The following AGBL4 variants were observed in gnomAD, a reference collection of about 807,000 sequenced individuals.
AGBL4 encodes AGBL carboxypeptidase 4.
AGBL4 carries 58 observed loss-of-function variants against 66.4 expected under a neutral mutation model. The ratio of observed to expected loss-of-function variants is 0.87; its 90% CI spans 0.71 to 1.09. The LOEUF is 1.09. Ranked by LOEUF, AGBL4 falls within the 50% of genes least tolerant of loss-of-function variation. The pLI is 0.00. For missense variants in AGBL4, 579 were observed against 631.0 expected, an observed-to-expected ratio of 0.92 and a Z score of 0.88; for synonymous variants, 234 against 222.9, an observed-to-expected ratio of 1.05 and a Z score of -0.44.
chr1:49,670,144 T>C (rs1646448804), intron 3 of AGBL4, among the ~76,000 whole-genome samples: 2 of 152,002 alleles, frequency 1.3e-5, no homozygotes, highest in Admixed American at 6.6e-5. Flanking sequence ...AGACAACAGA[T>C]TGAGAAGCAC....
intron 1 of AGBL4, among the ~76,000 whole-genome samples, chr1:49,948,285 TAAATATATAA>T (rs1655637841): frequency 9.6e-6 from 1 of 104,446 alleles, no homozygotes; most frequent in Non-Finnish European, 1.7e-5. Context: ...TAAATATATA[TAAATATATAA>T]AAATATATAT....
chr1:49,735,906 A>C (rs989062576), intron 2 of AGBL4, among the ~76,000 whole-genome samples: 15 of 152,148 alleles, frequency 9.9e-5, no homozygotes, highest in African/African-American at 3.1e-4. Flanking sequence ...GAAAAACAAA[A>C]ATCACTGGAA....
intron 3 of AGBL4, among the ~76,000 whole-genome samples, chr1:49,509,476 A>G (rs751202096): frequency 9.9e-5 from 15 of 151,852 alleles, no homozygotes; most frequent in Non-Finnish European, 2.1e-4. Context: ...CTGGGTTATA[A>G]AAACATGTGT....
At chr1:49,869,299 G>A (rs531648044) in intron 1 of AGBL4, among the ~76,000 whole-genome samples, 3 of 152,292 alleles carry the variant, frequency 2.0e-5, no homozygotes, top group African/African-American at 7.2e-5. Context: ...TCATGTGCAT[G>A]TTCATTGCAG....
At chr1:49,563,089 CT>C (rs1403566366) in intron 3 of AGBL4, among the ~76,000 whole-genome samples, 1 of 152,002 alleles carries the variant, frequency 6.6e-6, no homozygotes, top group African/African-American at 2.4e-5. Flanking sequence ...TGGGAGTTCA[CT>C]CATGATTTGG....
chr1:49,347,586 G>C (rs750519420), intron 3 of AGBL4, among the ~76,000 whole-genome samples: 1 of 152,004 alleles, frequency 6.6e-6, no homozygotes, highest in South Asian at 2.1e-4. Context: ...TCAGCTGGGC[G>C]TGGAGGCTCA....
chr1:49,709,532 CCAAAAGCAATGGCAA>C (rs984367545), intron 2 of AGBL4, among the ~76,000 whole-genome samples: 4 of 152,098 alleles, frequency 2.6e-5, no homozygotes, highest in African/African-American at 9.7e-5. Flanking sequence ...GACTAAAACA[CCAAAAGCAATGGCAA>C]CAAAAGCAAT....
intron 4 of AGBL4, among the ~76,000 whole-genome samples, chr1:49,141,605 T>C (rs1646119333): frequency 6.6e-6 from 1 of 151,838 alleles, no homozygotes; most frequent in Admixed American, 6.6e-5. Context: ...AGGCTAGATA[T>C]AAGAAAACTG....
At chr1:48,727,597 T>C (rs1218748905) in intron 6 of AGBL4, 1 of 228,882 alleles carries the variant, frequency 4.4e-6, no homozygotes, top group Non-Finnish European at 8.5e-6. Context: ...AAAATATCCA[T>C]TCAAACCCCA....
chr1:48,677,609 A>C (rs1342840903), intron 6 of AGBL4, among the ~76,000 whole-genome samples: 2 of 152,192 alleles, frequency 1.3e-5, no homozygotes, highest in Non-Finnish European at 2.9e-5. Context: ...GAGCTGTGCC[A>C]CTGGCCCCAG....
At chr1:49,629,969 G>A (rs977893405) in intron 3 of AGBL4, among the ~76,000 whole-genome samples, 2 of 152,080 alleles carry the variant, frequency 1.3e-5, no homozygotes, top group Non-Finnish European at 2.9e-5. Flanking sequence ...CTGGTTTGTC[G>A]ATAGGGACAT....
At chr1:49,261,263 C>T (rs967137688) in intron 3 of AGBL4, among the ~76,000 whole-genome samples, 30 of 151,932 alleles carry the variant, frequency 2.0e-4, no homozygotes, top group Middle Eastern at 3.4e-3. Context: ...CAGGGATGCC[C>T]TCTCTCACCA....
intron 3 of AGBL4, among the ~76,000 whole-genome samples, chr1:49,265,759 T>C (rs1414107252): frequency 6.6e-6 from 1 of 152,206 alleles, no homozygotes; most frequent in African/African-American, 2.4e-5. Flanking sequence ...TACAACTATA[T>C]ACATTACATA....
chr1:49,311,295 C>T (rs1362676517), intron 3 of AGBL4, among the ~76,000 whole-genome samples: 4 of 151,986 alleles, frequency 2.6e-5, no homozygotes, highest in African/African-American at 7.2e-5. Context: ...GATGTCAGAT[C>T]TTATGACTTC....
intron 7 of AGBL4, among the ~76,000 whole-genome samples, chr1:48,660,551 C>T (rs1175297964): frequency 2.0e-5 from 3 of 152,302 alleles, no homozygotes; most frequent in African/African-American, 4.8e-5. Context: ...GGGCTGTGAT[C>T]GGGCTGTCTA....
intron 3 of AGBL4, among the ~76,000 whole-genome samples, chr1:49,319,090 A>G (rs551304183): frequency 1.3e-5 from 2 of 152,208 alleles, no homozygotes; most frequent in South Asian, 2.1e-4. Flanking sequence ...TATTTATGAA[A>G]TATGTATGTA....
intron 6 of AGBL4, among the ~76,000 whole-genome samples, chr1:48,833,089 A>G (rs181316759): frequency 2.1e-4 from 32 of 152,276 alleles, no homozygotes; most frequent in Non-Finnish European, 3.4e-4. Flanking sequence ...CTGTTTATCT[A>G]CAGAACCCTA....
chr1:48,608,336 A>C (rs1190152388), intron 9 of AGBL4, among the ~76,000 whole-genome samples: 2 of 152,224 alleles, frequency 1.3e-5, no homozygotes, highest in African/African-American at 4.8e-5. Context: ...GTAAAGAAGA[A>C]GGGATCTTCT....
At chr1:49,493,958 G>A (rs1647297567) in intron 3 of AGBL4, among the ~76,000 whole-genome samples, 1 of 151,904 alleles carries the variant, frequency 6.6e-6, no homozygotes, top group South Asian at 2.1e-4. Context: ...TCCCTCTGAT[G>A]GCAGCAAAGA....
Sources: gnomAD v4.1 joint callset for allele counts (sites outside exome capture counted in the v4.1 genomes callset) on GRCh38, gnomAD v4.1.1 for gene constraint, MANE v1.5 for transcripts, NCBI Gene and HGNC (gene_info 2026-07-23, HGNC 2026-07-21) for gene names.